OSBPL1A: variants seen among roughly 807,000 people sequenced by gnomAD.
OSBPL1A encodes the protein oxysterol binding protein like 1A.
OSBPL1A carries 80 observed loss-of-function variants against 137.1 expected under a neutral mutation model. The ratio of observed to expected loss-of-function variants is 0.58; its 90% CI spans 0.49 to 0.70. The LOEUF is 0.70. OSBPL1A is among the 30% of genes least tolerant of loss of function. The probability of loss-of-function intolerance (pLI) is 0.00; values close to 1 mark genes in which losing one functional copy is unlikely to be tolerated. For synonymous variants in OSBPL1A, 365 were observed against 389.7 expected (o/e 0.94, Z 0.75); for missense variants, 970 against 1,129.4 (o/e 0.86, Z 2.02).
At chr18:24,302,772 C>G (rs2090427328) in intron 14 of OSBPL1A, 1 of 152,042 alleles carries the variant, frequency 6.6e-6, no homozygotes, top group African/African-American at 2.4e-5. Context: ...AGAATGAAGA[C>G]ATAAAAAGTT....
chr18:24,359,512 T>G (rs2091589743), intron 4 of OSBPL1A, among the ~76,000 whole-genome samples: 1 of 151,612 alleles, frequency 6.6e-6, no homozygotes, highest in Admixed American at 6.6e-5. Context: ...GGCAACACGG[T>G]GAAACCCTGT....
At chr18:24,239,643 C>G (rs2088617903) in intron 15 of OSBPL1A, among the ~76,000 whole-genome samples, 1 of 152,060 alleles carries the variant, frequency 6.6e-6, no homozygotes, top group African/African-American at 2.4e-5. Flanking sequence ...TGATCAGGAT[C>G]CTGGCATAAG....
chr18:24,384,596 C>T (rs773956142), intron 1 of OSBPL1A, among the ~76,000 whole-genome samples: 12 of 116,774 alleles, frequency 1.0e-4, no homozygotes, highest in Non-Finnish European at 1.5e-4. Flanking sequence ...GGGCCGGGGG[C>T]GGGTGGCTCA....
intron 14 of OSBPL1A, among the ~76,000 whole-genome samples, chr18:24,284,008 G>A (rs2090018261): frequency 2.6e-5 from 4 of 152,100 alleles, no homozygotes; most frequent in African/African-American, 7.2e-5. Context: ...CCACCATTGA[G>A]AGAGCGTCGA....
At chr18:24,352,514 C>T (rs1395465465) in intron 4 of OSBPL1A, among the ~76,000 whole-genome samples, 2 of 152,090 alleles carry the variant, frequency 1.3e-5, no homozygotes, top group Non-Finnish European at 2.9e-5. Context: ...AGATTCAATG[C>T]CATCCCCATC....
chr18:24,239,285 G>A lies in OSBPL1A; in HGVS notation c.1379C>T (p.Ser460Phe). Residue 460 changes from serine to phenylalanine, a missense_variant, in exon 16 of 28, where the codon TCT (serine) becomes TTT (phenylalanine). Physicochemically the swap from Ser to Phe is radical, Grantham distance 155. Coordinates refer to ENST00000319481, the MANE Select transcript of OSBPL1A (RefSeq NM_080597.4). Reference sequence around the variant, plus strand: ...GGCGGGTGGAGAGCCTTTCACCAGAGACTGCTCTAATTCATGATGTTCAGT... The same window carrying A: ...GGCGGGTGGAGAGCCTTTCACCAGAAACTGCTCTAATTCATGATGTTCAGT... Reference protein sequence around the residue: ...LATEHHELEQSLVKGSPPASI... With the variant: ...LATEHHELEQFLVKGSPPASI... The A allele has an allele frequency of 6.2e-7, 1 of 1,614,134 alleles. No individual in the cohort carries two copies. The highest frequency in any genetic ancestry group is 8.5e-7 in the Non-Finnish European group (1 of 1,180,008).
At chr18:24,240,279 C>T (rs1450727935) in intron 15 of OSBPL1A, among the ~76,000 whole-genome samples, 2 of 152,144 alleles carry the variant, frequency 1.3e-5, no homozygotes, top group African/African-American at 4.8e-5. Context: ...TTACCTTTAA[C>T]TTAGTATACT....
intron 17 of OSBPL1A, among the ~76,000 whole-genome samples, chr18:24,220,794 G>C (rs1262560845): frequency 6.6e-6 from 1 of 151,900 alleles, no homozygotes; most frequent in Non-Finnish European, 1.5e-5. Flanking sequence ...CGTATCTTTA[G>C]GAAGTGAGAT....
intron 15 of OSBPL1A, among the ~76,000 whole-genome samples, chr18:24,280,241 G>A (rs1045863332): frequency 6.6e-6 from 1 of 152,072 alleles, no homozygotes; most frequent in African/African-American, 2.4e-5. Flanking sequence ...CACCACGCCT[G>A]GCCTAATTTT....
chr18:24,397,736 G>A lies in OSBPL1A; in HGVS notation c.-84C>T, dbSNP rs1297307810. ...TCCCGTCCGCCCGCCCCACGTCGAG[G>A]AAGTGGTCGTCACCAACTCTGGCTG... On this transcript the variant is annotated 5_prime_UTR_variant, in exon 1 of 28. Transcript: ENST00000319481. The A allele has an allele frequency of 6.6e-6, 1 of 152,280 alleles. No individual in the cohort carries two copies. The highest frequency in any genetic ancestry group is 2.4e-5 in the African/African-American group (1 of 41,456). 9.4% of individuals were successfully genotyped at this position (152,280 alleles called of 1,614,324 possible). A position where few individuals can be genotyped will look rare whatever the true frequency, so the allele number is the denominator to read the frequency against.
intron 16 of OSBPL1A, among the ~76,000 whole-genome samples, chr18:24,236,786 G>A (rs1441038530): frequency 6.6e-6 from 1 of 152,158 alleles, no homozygotes; most frequent in Non-Finnish European, 1.5e-5. Flanking sequence ...AATCTGAACT[G>A]GCACTTGAGA....
intron 1 of OSBPL1A, among the ~76,000 whole-genome samples, chr18:24,395,747 A>T (rs1162697356): frequency 6.6e-6 from 1 of 151,648 alleles, no homozygotes; most frequent in African/African-American, 2.4e-5. Context: ...TCAGCCTCCC[A>T]AGTGGCTGGA....
intron 15 of OSBPL1A, among the ~76,000 whole-genome samples, chr18:24,249,449 GAACCAAAA>G (rs2089004136): frequency 3.9e-5 from 6 of 152,130 alleles, no homozygotes; most frequent in Admixed American, 3.9e-4. Flanking sequence ...ACCATCACAA[GAACCAAAA>G]ATCAGGTGAG....
chr18:24,212,038 A>G (rs2087560580), intron 17 of OSBPL1A, among the ~76,000 whole-genome samples: 1 of 152,174 alleles, frequency 6.6e-6, no homozygotes, highest in Admixed American at 6.5e-5. Context: ...TTCTGTTTCA[A>G]AATGTTATTT....
intron 27 of OSBPL1A, 76 bp from the exon 28 acceptor site, chr18:24,163,357 T>A: frequency 9.7e-7 from 1 of 1,035,834 alleles, no homozygotes; most frequent in Non-Finnish European, 1.5e-6. Context: ...TAGTTTGCAG[T>A]ATTATTCTAT....
At chr18:24,337,877 G>A (rs1426291459) in intron 5 of OSBPL1A, among the ~76,000 whole-genome samples, 1 of 151,668 alleles carries the variant, frequency 6.6e-6, no homozygotes, top group Non-Finnish European at 1.5e-5. Flanking sequence ...GTACTTAGGG[G>A]TGAAGTATCA....
intron 1 of OSBPL1A, among the ~76,000 whole-genome samples, chr18:24,389,806 G>T (rs1481862717): frequency 2.0e-5 from 3 of 152,050 alleles, no homozygotes; most frequent in Non-Finnish European, 4.4e-5. Context: ...GCCAGGTATG[G>T]TGGTGCATGC....
chr18:24,324,098 T>C (rs2090921866), intron 7 of OSBPL1A, among the ~76,000 whole-genome samples: 1 of 78,982 alleles, frequency 1.3e-5, no homozygotes, highest in African/African-American at 6.8e-5. Flanking sequence ...TGGTGAGCAC[T>C]TGTAATCCCA....
intron 14 of OSBPL1A, among the ~76,000 whole-genome samples, chr18:24,283,559 CAA>C (rs1037973378): frequency 1.3e-5 from 2 of 151,922 alleles, no homozygotes; most frequent in African/African-American, 4.8e-5. Context: ...TGCTAAATAG[CAA>C]AAGAGACTAC....
Sources: allele counts gnomAD v4.1 joint callset (sites outside exome capture counted in the v4.1 genomes callset), GRCh38; gene constraint gnomAD v4.1.1; transcripts MANE v1.5; gene names NCBI Gene and HGNC (gene_info 2026-07-23, HGNC 2026-07-21).